Variants in AAR2 observed in about 807,000 individuals in gnomAD.
AAR2 encodes the protein AAR2 splicing factor.
AAR2 carries 31 observed loss-of-function variants against 26.9 expected under a neutral mutation model. The observed-to-expected ratio is 1.15, with a 90% confidence interval of 0.86 to 1.55. The LOEUF (loss-of-function observed/expected upper bound fraction) is 1.55, where lower values mean the gene tolerates loss of function less well. AAR2 is among the 40% of genes most tolerant of loss of function. The pLI, the probability that AAR2 is intolerant of heterozygous loss-of-function variation, is 0.00. For synonymous variants in AAR2, 188 were observed against 196.1 expected, an observed-to-expected ratio of 0.96 and a Z score of 0.34; for missense variants, 430 against 491.3, an observed-to-expected ratio of 0.88 and a Z score of 1.18.
intron 2 of AAR2, among the ~76,000 whole-genome samples, chr20:36,244,238 T>C (rs2064711328): frequency 6.6e-6 from 1 of 152,210 alleles, no homozygotes; most frequent in Admixed American, 6.5e-5. Flanking sequence ...TAGAATCACC[T>C]GGGGAGCTTG....
rs778794059 is a variant in AAR2, at chr20:36,240,616, G to T, written c.748G>T (p.Asp250Tyr). The part of the protein sequence containing the change: ...LNKQFPSSPQ[D>Y]VLGELQFAFV... Reference sequence around the variant, plus strand: ...CAAGCAGTTCCCCAGCAGCCCCCAGGATGTGCTTGGTGAGAAGGAACAAGG... The same window carrying T: ...CAAGCAGTTCCCCAGCAGCCCCCAGTATGTGCTTGGTGAGAAGGAACAAGG... The change falls in exon 2 of 4, where the codon GAT becomes TAT. Residue 250 changes from aspartate to tyrosine, a missense_variant. Asp to Tyr is a radical substitution (Grantham distance 160). Transcript: ENST00000320849. 6.2e-7 allele frequency: 1 copy of T among 1,609,234 alleles called. No homozygotes were observed. The highest frequency in any genetic ancestry group is 2.2e-5 in the East Asian group (1 of 44,780).
At chr20:36,241,694 A>G (rs1290200133) in intron 2 of AAR2, among the ~76,000 whole-genome samples, 1 of 152,182 alleles carries the variant, frequency 6.6e-6, no homozygotes, top group African/African-American at 2.4e-5. Context: ...GAGGCAGGAG[A>G]ATCACTTGAA....
intron 3 of AAR2, among the ~76,000 whole-genome samples, chr20:36,248,534 C>T (rs1386834042): frequency 6.6e-6 from 1 of 152,048 alleles, no homozygotes; most frequent in Non-Finnish European, 1.5e-5. Flanking sequence ...GATGAGGTTT[C>T]GCCATGTTGG....
intron 3 of AAR2, among the ~76,000 whole-genome samples, chr20:36,246,400 G>A (rs778603909): frequency 1.3e-5 from 2 of 152,228 alleles, no homozygotes; most frequent in Non-Finnish European, 2.9e-5. Context: ...TCAAGCGCAT[G>A]ATTTGAGCCT....
Position 36,254,563 on chromosome 20 carries a change from G to A in AAR2, c.988-1015G>A, listed in dbSNP as rs943660679. 5.9e-5 allele frequency among the ~76,000 whole-genome samples: 9 copies of A among 152,234 alleles called. 1 individual carries two copies. Among genetic ancestry groups the A allele is most frequent in the South Asian group, 2.1e-4 (1 of 4,824 alleles). ...GTTTAATGGCTGCAGAGTTTTGGCC[G>A]GGGATGATGGGGTCATTCTGAAGAT... On this transcript the variant is annotated intron_variant, in intron 3 of 3. Coordinates refer to ENST00000320849, the MANE Select transcript of AAR2 (RefSeq NM_001271874.2).
At chr20:36,253,959 A>G (rs2064800028) in intron 3 of AAR2, among the ~76,000 whole-genome samples, 1 of 152,210 alleles carries the variant, frequency 6.6e-6, no homozygotes, top group Non-Finnish European at 1.5e-5. Flanking sequence ...GTTGGCCAGG[A>G]TGTGGAGAAA....
At chr20:36,242,413 C>CGTCCT in intron 2 of AAR2, among the ~76,000 whole-genome samples, 1 of 149,618 alleles carries the variant, frequency 6.7e-6, no homozygotes, top group Non-Finnish European at 1.5e-5. Context: ...GTTGTTGAGA[C>CGTCCT]GGAGTCTTGC....
chr20:36,240,353 T>C lies in AAR2; in HGVS notation c.485T>C (p.Leu162Pro), dbSNP rs753104874. Residue 162 changes from leucine to proline, a missense_variant, in exon 2 of 4, where the codon CTA (leucine) becomes CCA (proline). Leu to Pro is a moderately conservative substitution (Grantham distance 98). Transcript: ENST00000320849. Reference protein sequence around the residue: ...NRQICAFSDVLPVLSMKHTKD... With the variant: ...NRQICAFSDVPPVLSMKHTKD... ...CAGATCTGTGCCTTTTCCGATGTGC[T>C]ACCTGTGCTCTCCATGAAGCACACC... 23 of 1,614,214 alleles carry C rather than the reference T, an allele frequency of 1.4e-5. No homozygotes were observed. Among genetic ancestry groups the C allele is most frequent in the Non-Finnish European group, 1.9e-5 (22 of 1,180,042 alleles).
intron 1 of AAR2, among the ~76,000 whole-genome samples, chr20:36,237,938 A>G (rs2064633066): frequency 6.6e-6 from 1 of 151,768 alleles, no homozygotes; most frequent in African/African-American, 2.4e-5. Context: ...GCACACCACC[A>G]TGCGCGGCTA....
Position 36,240,039 on chromosome 20 carries a change from C to T in AAR2, c.171C>T (p.Phe57=), listed in dbSNP as rs530167050. ...GVKMIPPGIH[F]LHYSSVDKAN... is the part of the protein sequence containing the mutation. The stretch of plus-strand genomic sequence containing the variant: ...AGATGATCCCTCCAGGCATCCACTT[C>T]CTCCACTACAGCTCTGTGGACAAGG... Residue 57 remains phenylalanine, a synonymous_variant, in exon 2 of 4, where the codon TTC becomes TTT. Transcript: ENST00000320849. 4.3e-6 allele frequency: 7 copies of T among 1,614,116 alleles called. No individual in the cohort carries two copies. The highest frequency in any genetic ancestry group is 5.9e-6 in the Non-Finnish European group (7 of 1,180,034).
intron 3 of AAR2, among the ~76,000 whole-genome samples, chr20:36,249,935 G>A (rs993606366): frequency 8.5e-5 from 13 of 152,180 alleles, no homozygotes; most frequent in Non-Finnish European, 1.6e-4. Flanking sequence ...TGAAACAATA[G>A]TCTTGCTTTT....
chr20:36,236,648 GC>G (rs1380828763), intron 1 of AAR2, 145 bp downstream of exon 1: 2 of 152,238 alleles, frequency 1.3e-5, no homozygotes, highest in Non-Finnish European at 2.9e-5. Context: ...TTTGTGGGAC[GC>G]TGGTGTCTCT....
chr20:36,244,742 A>G lies in AAR2; in HGVS notation c.803A>G (p.Tyr268Cys). The G allele has an allele frequency of 6.2e-7, 1 of 1,614,156 alleles. No individual in the cohort carries two copies. Among genetic ancestry groups the G allele is most frequent in the Non-Finnish European group, 8.5e-7 (1 of 1,180,028 alleles). The change falls in exon 3 of 4, where the codon TAC (tyrosine) becomes TGC (cysteine). Residue 268 changes from tyrosine to cysteine, a missense_variant. Physicochemically the swap from Tyr to Cys is radical, Grantham distance 194 (BLOSUM62 -2). Transcript: ENST00000320849. ...GTGTGCTTCCTGCTGGGGAATGTGTACGAGGCATTTGAGCATTGGAAGCGG... is the reference window on the plus strand; with the variant it reads ...GTGTGCTTCCTGCTGGGGAATGTGTGCGAGGCATTTGAGCATTGGAAGCGG... ...AFVCFLLGNV[Y>C]EAFEHWKRLL... is the part of the protein sequence containing the mutation.
Position 36,256,083 on chromosome 20 carries a change from A to G in AAR2, c.*338A>G. 4.6e-6 allele frequency: 1 copy of G among 216,552 alleles called. No homozygotes were observed. Among genetic ancestry groups the G allele is most frequent in the Non-Finnish European group, 9.2e-6 (1 of 109,090 alleles). The allele number at this position is 216,552 out of a possible 1,614,324, so 13.4% of individuals were successfully genotyped here. ...CTGAATGAGAAGGAATTGAACCAAA[A>G]GTCCAAGAAAGAACTGATTGCTTGT... On this transcript the variant is annotated 3_prime_UTR_variant, in exon 4 of 4. Transcript: ENST00000320849.
In AAR2 at chr20:36,240,557, T is replaced by G. The variant is rs754518212; in HGVS notation, c.689T>G (p.Met230Arg). 1 of 1,613,786 alleles carries G rather than the reference T, an allele frequency of 6.2e-7. No homozygotes were observed. Among genetic ancestry groups the G allele is most frequent in the Admixed American group, 1.7e-5 (1 of 60,022 alleles). The change falls in exon 2 of 4, where the codon ATG becomes AGG. Residue 230 changes from methionine (M) to arginine (R), a missense_variant. By Grantham distance (91) the Met-to-Arg change is moderately conservative (BLOSUM62 -1). Transcript: ENST00000320849. The part of the protein sequence containing the change: ...ATPAEITKHS[M>R]DLSYALETVL... ...CCAGCTGAGATAACCAAGCACAGCA[T>G]GGACCTGAGCTATGCCCTGGAGACT...
At chr20:36,252,425 A>G (rs2064787402) in intron 3 of AAR2, among the ~76,000 whole-genome samples, 1 of 152,178 alleles carries the variant, frequency 6.6e-6, no homozygotes, top group Non-Finnish European at 1.5e-5. Flanking sequence ...GGACAAGATC[A>G]ACAGCAAATG....
At chr20:36,248,004 T>C (rs1244443933) in intron 3 of AAR2, among the ~76,000 whole-genome samples, 6 of 152,256 alleles carry the variant, frequency 3.9e-5, no homozygotes, top group Admixed American at 2.0e-4. Flanking sequence ...CTAGAACTTC[T>C]TCATCCTGCA....
chr20:36,255,866 G>C lies in AAR2; in HGVS notation c.*121G>C. The C allele has an allele frequency of 8.1e-7, 1 of 1,230,380 alleles. No individual in the cohort carries two copies. The highest frequency in any genetic ancestry group is 1.5e-5 in the South Asian group (1 of 64,964). The allele number at this position is 1,230,380 out of a possible 1,614,324, so 76.2% of individuals were successfully genotyped here. On this transcript the variant is annotated 3_prime_UTR_variant, in exon 4 of 4. Transcript: ENST00000320849. ...CAGCAATCTCTCCAGGTCCTGCAAA[G>C]ATGGAGCCAGAATTCCCTTTTTCAC...
intron 1 of AAR2, 150 bp from the exon 2 acceptor site, chr20:36,239,671 C>T: frequency 1.6e-6 from 1 of 608,716 alleles, no homozygotes; most frequent in Non-Finnish European, 2.6e-6. Context: ...TCGTTTTTCT[C>T]ATCTGTAAAC....
Sources: gnomAD v4.1 joint callset for allele counts (sites outside exome capture counted in the v4.1 genomes callset) on GRCh38, gnomAD v4.1.1 for gene constraint, MANE v1.5 for transcripts, NCBI Gene and HGNC (gene_info 2026-07-23, HGNC 2026-07-21) for gene names.